Variants in KCNMA1 observed in about 807,000 individuals in gnomAD.
The protein encoded by KCNMA1 is Calcium-activated potassium channel subunit alpha-1.
A neutral mutation model predicts 140.0 loss-of-function variants in KCNMA1; 29 were observed. The observed-to-expected ratio is 0.21, with a 90% CI of 0.15 to 0.28. The LOEUF (loss-of-function observed/expected upper bound fraction) is 0.28, where lower values mean the gene tolerates loss of function less well. Among genes scored for constraint, KCNMA1 ranks in the 10% least tolerant of loss-of-function variants. KCNMA1 has a pLI of 1.00. For synonymous variants in KCNMA1, 612 were observed against 611.9 expected, an observed-to-expected ratio of 1.00 and a Z score of 0.00; for missense variants, 880 against 1,602.2, an observed-to-expected ratio of 0.55 and a Z score of 7.70.
At chr10:76,949,764 C>A (rs2065555041) in intron 21 of KCNMA1, among the ~76,000 whole-genome samples, 1 of 152,116 alleles carries the variant, frequency 6.6e-6, no homozygotes, top group Admixed American at 6.5e-5. Context: ...AAATGAGCTG[C>A]CTTTTCTGGC....
chr10:77,305,032 G>T (rs2077357995), intron 2 of KCNMA1, among the ~76,000 whole-genome samples: 1 of 152,198 alleles, frequency 6.6e-6, no homozygotes, highest in Admixed American at 6.5e-5. Flanking sequence ...GAGAGCTGGG[G>T]CTGAACCTGA....
intron 1 of KCNMA1, among the ~76,000 whole-genome samples, chr10:77,581,126 C>T (rs567735155): frequency 1.1e-4 from 16 of 152,112 alleles, no homozygotes; most frequent in Non-Finnish European, 2.2e-4. Context: ...AGTTACATAG[C>T]CAATCTCACT....
chr10:76,876,072 C>G (rs1303953831), downstream of KCNMA1: 1 of 152,582 alleles, frequency 6.6e-6, no homozygotes, highest in Admixed American at 6.5e-5. Context: ...AGGGAGTGGA[C>G]AGAGGTGGAA....
chr10:77,203,217 T>C (rs1408140105), intron 3 of KCNMA1, among the ~76,000 whole-genome samples: 2 of 152,118 alleles, frequency 1.3e-5, no homozygotes, highest in African/African-American at 4.8e-5. Flanking sequence ...TGAAGAAGGG[T>C]CCTATCCTAA....
At chr10:76,909,397 C>T (rs1287748989) in intron 25 of KCNMA1, among the ~76,000 whole-genome samples, 1 of 152,138 alleles carries the variant, frequency 6.6e-6, no homozygotes, top group African/African-American at 2.4e-5. Flanking sequence ...AAAGCATGAA[C>T]CTGATTATGT....
chr10:77,382,986 GTGTGTGTGTATATATATATA>G (rs1173784138), intron 2 of KCNMA1, among the ~76,000 whole-genome samples: 3,149 of 58,024 alleles, frequency 0.054, 53 homozygotes, highest in South Asian at 0.09. Context: ...GTGTGTGTGT[GTGTGTGTGTATATATATATA>G]TATATATATA....
At chr10:77,497,190 A>G (rs533385719) in intron 1 of KCNMA1, among the ~76,000 whole-genome samples, 1 of 152,354 alleles carries the variant, frequency 6.6e-6, no homozygotes, top group South Asian at 2.1e-4. Context: ...AATTTTCAAA[A>G]GCAGCCAGGG....
intron 19 of KCNMA1, among the ~76,000 whole-genome samples, chr10:76,989,837 A>G (rs185576341): frequency 4.0e-5 from 6 of 150,060 alleles, no homozygotes; most frequent in Non-Finnish European, 4.4e-5. Flanking sequence ...AGTTATGGTT[A>G]AAGTGGCTTA....
At position 77,180,369 on chromosome 10, in the gene KCNMA1, T is replaced by C. The variant is rs111617138; in HGVS notation, c.808+3052A>G. Among the ~76,000 whole-genome samples, 102 of 152,366 alleles carry C rather than the reference T, an allele frequency of 6.7e-4. 1 individual carries two copies. Among genetic ancestry groups the C allele is most frequent in the African/African-American group, 2.4e-3 (98 of 41,586 alleles). On this transcript the variant is annotated intron_variant, in intron 5 of 27. Transcript: ENST00000286628. Reference sequence around the variant, plus strand: ...TGTATTAAGTCAGATGAGAACCTCCTTGAAATATTATTGTACTGAATTCTC... The same window carrying C: ...TGTATTAAGTCAGATGAGAACCTCCCTGAAATATTATTGTACTGAATTCTC...
chr10:77,554,248 G>A (rs935267554), intron 1 of KCNMA1, among the ~76,000 whole-genome samples: 2 of 152,210 alleles, frequency 1.3e-5, no homozygotes, highest in Non-Finnish European at 2.9e-5. Context: ...TCTGAGGACA[G>A]TCTGTGGCAA....
chr10:77,330,477 A>C (rs1026447507), intron 2 of KCNMA1, among the ~76,000 whole-genome samples: 1 of 152,172 alleles, frequency 6.6e-6, no homozygotes, highest in East Asian at 1.9e-4. Context: ...CCAGCCCACA[A>C]CCTAAAGCCT....
intron 1 of KCNMA1, among the ~76,000 whole-genome samples, chr10:77,605,245 CG>C (rs1382362338): frequency 6.6e-6 from 1 of 152,180 alleles, no homozygotes; most frequent in Non-Finnish European, 1.5e-5. Context: ...GGGACTGTCC[CG>C]GATGCCCTCC....
intron 19 of KCNMA1, among the ~76,000 whole-genome samples, chr10:76,996,868 C>T (rs2084546658): frequency 6.6e-6 from 1 of 152,008 alleles, no homozygotes; most frequent in South Asian, 2.1e-4. Flanking sequence ...AGGAAGTCAC[C>T]TAAAACTGCA....
chr10:77,556,302 C>T (rs1002657306), intron 1 of KCNMA1, among the ~76,000 whole-genome samples: 6 of 151,836 alleles, frequency 4.0e-5, no homozygotes, highest in African/African-American at 1.5e-4. Flanking sequence ...TTTAGGAGTT[C>T]GAGACCAGCC....
intron 5 of KCNMA1, among the ~76,000 whole-genome samples, chr10:77,171,208 A>G (rs950238273): frequency 3.9e-5 from 6 of 152,228 alleles, no homozygotes; most frequent in Admixed American, 1.3e-4. Flanking sequence ...CTGAATCTGA[A>G]ACTCTGGGGA....
At chr10:77,238,718 C>A (rs1268074104) in intron 3 of KCNMA1, among the ~76,000 whole-genome samples, 3 of 152,324 alleles carry the variant, frequency 2.0e-5, no homozygotes, top group Non-Finnish European at 2.9e-5. Flanking sequence ...GAAGATGGCC[C>A]TCTGGCAGTC....
intron 2 of KCNMA1, among the ~76,000 whole-genome samples, chr10:77,283,923 C>T (rs897633163): frequency 2.0e-5 from 3 of 152,126 alleles, no homozygotes; most frequent in African/African-American, 4.8e-5. Context: ...TCAAGAAAGT[C>T]GCACTGGAGC....
chr10:77,281,614 A>G (rs908305983), intron 2 of KCNMA1, among the ~76,000 whole-genome samples: 1 of 152,134 alleles, frequency 6.6e-6, no homozygotes, highest in African/African-American at 2.4e-5. Flanking sequence ...CACTAACTCT[A>G]TGGCACCCTG....
intron 2 of KCNMA1, among the ~76,000 whole-genome samples, chr10:77,382,402 C>T (rs968922180): frequency 6.6e-6 from 1 of 152,180 alleles, no homozygotes; most frequent in African/African-American, 2.4e-5. Flanking sequence ...CACAGTGAAG[C>T]AGCTTGTCCA....
Sources: allele counts gnomAD v4.1 joint callset (sites outside exome capture counted in the v4.1 genomes callset), GRCh38; gene constraint gnomAD v4.1.1; transcripts MANE v1.5; gene names NCBI Gene and HGNC (gene_info 2026-07-23, HGNC 2026-07-21).